The following FLI1 variants were observed in gnomAD, a reference collection of about 807,000 sequenced individuals.
FLI1 encodes the protein Fli-1 proto-oncogene, ETS transcription factor.
Under a neutral mutation model 53.1 loss-of-function variants are expected in FLI1, and 13 were observed. The observed-to-expected ratio is 0.24, with a 90% CI of 0.16 to 0.39. The LOEUF (loss-of-function observed/expected upper bound fraction) is 0.39, where lower values mean the gene tolerates loss of function less well. Ranked by LOEUF, FLI1 falls within the 10% of genes least tolerant of loss-of-function variation. The pLI is 1.00. For synonymous variants in FLI1, 244 were observed against 236.7 expected (o/e 1.03, Z -0.28); for missense variants, 424 against 600.5 (o/e 0.71, Z 3.07).
Position 128,738,369 on chromosome 11 carries a change from G to A in FLI1, c.19-19746G>A, listed in dbSNP as rs527678162. Reference sequence around the variant, plus strand: ...TGCCTTGAAATACAAGACAACCAAGGCCTCACCTTTCTCTCATTACTCAAA... The same window carrying A: ...TGCCTTGAAATACAAGACAACCAAGACCTCACCTTTCTCTCATTACTCAAA... On this transcript the variant is annotated intron_variant, in intron 1 of 8. Transcript: ENST00000527786. Among the ~76,000 whole-genome samples the A allele has an allele frequency of 6.6e-5, 10 of 152,226 alleles. No homozygotes were observed. The South Asian group carries it at 1.4e-3, about 22-fold the overall frequency.
chr11:128,791,222 G>A (rs920097456), intron 5 of FLI1, among the ~76,000 whole-genome samples: 2 of 152,102 alleles, frequency 1.3e-5, no homozygotes, highest in Non-Finnish European at 2.9e-5. Context: ...GCCCATTTAG[G>A]TTCTGACCCA....
At chr11:128,800,291 T>C (rs1280657087) in intron 5 of FLI1, among the ~76,000 whole-genome samples, 2 of 152,140 alleles carry the variant, frequency 1.3e-5, no homozygotes, top group African/African-American at 4.8e-5. Context: ...CAACCAGAAA[T>C]TCAATGAGAA....
chr11:128,750,100 A>C (rs1940578326), intron 1 of FLI1, among the ~76,000 whole-genome samples: 1 of 152,252 alleles, frequency 6.6e-6, no homozygotes, highest in Non-Finnish European at 1.5e-5. Flanking sequence ...ATAAAAAGCC[A>C]AAACTAGCGT....
intron 1 of FLI1, among the ~76,000 whole-genome samples, chr11:128,749,641 G>T (rs1046219505): frequency 4.6e-5 from 7 of 152,228 alleles, no homozygotes; most frequent in African/African-American, 1.7e-4. Context: ...CTTTTGATGG[G>T]AAGAGAGAGG....
intron 1 of FLI1, among the ~76,000 whole-genome samples, chr11:128,747,336 G>A (rs654484): frequency 0.37 from 55,912 of 152,080 alleles, 10,513 homozygotes; most frequent in South Asian, 0.43. Flanking sequence ...GACATCTGGC[G>A]GAATAGAGTC....
intron 5 of FLI1, among the ~76,000 whole-genome samples, chr11:128,803,316 C>A (rs1009134400): frequency 1.3e-5 from 2 of 152,188 alleles, no homozygotes; most frequent in African/African-American, 4.8e-5. Context: ...CCACCTGCAA[C>A]GCCAAGGTCC....
At chr11:128,760,953 C>T (rs918500106) in intron 2 of FLI1, among the ~76,000 whole-genome samples, 24 of 152,318 alleles carry the variant, frequency 1.6e-4, no homozygotes, top group African/African-American at 5.3e-4. Context: ...TCCCCACTTC[C>T]TCCTGCCTTC....
At chr11:128,740,201 A>G (rs1280026440) in intron 1 of FLI1, among the ~76,000 whole-genome samples, 2 of 152,266 alleles carry the variant, frequency 1.3e-5, no homozygotes, top group African/African-American at 2.4e-5. Context: ...AAGTACATGG[A>G]CAGAGAGAGA....
At chr11:128,744,976 C>G (rs1364536256) in intron 1 of FLI1, among the ~76,000 whole-genome samples, 2 of 152,072 alleles carry the variant, frequency 1.3e-5, no homozygotes, top group African/African-American at 4.8e-5. Context: ...GGGAGACTTC[C>G]TGGAGGAGGC....
chr11:128,747,369 G>A (rs1382112307), intron 1 of FLI1, among the ~76,000 whole-genome samples: 11 of 152,236 alleles, frequency 7.2e-5, no homozygotes, highest in Admixed American at 6.5e-4. Context: ...ATGTGGGACA[G>A]CACTTGTGCT....
chr11:128,776,520 G>A (rs572155675), intron 4 of FLI1, among the ~76,000 whole-genome samples: 5 of 152,234 alleles, frequency 3.3e-5, no homozygotes, highest in African/African-American at 9.6e-5. Flanking sequence ...GTGTGGTGGT[G>A]GGCGCCTGTA....
At chr11:128,757,059 T>TCTTTCTTTCTTC (rs1279412863) in intron 1 of FLI1, among the ~76,000 whole-genome samples, 3 of 135,298 alleles carry the variant, frequency 2.2e-5, no homozygotes, top group Admixed American at 7.3e-5. Flanking sequence ...TTTCTTTCTT[T>TCTTTCTTTCTTC]CTTTCTTTCT....
chr11:128,806,961 G>A (rs751869387), intron 6 of FLI1: 8 of 392,750 alleles, frequency 2.0e-5, no homozygotes, highest in Middle Eastern at 6.3e-4. Context: ...ATTGGAATGC[G>A]AGTTCTACCA....
At chr11:128,741,214 C>A (rs538167547) in intron 1 of FLI1, among the ~76,000 whole-genome samples, 2 of 152,010 alleles carry the variant, frequency 1.3e-5, no homozygotes, top group Non-Finnish European at 2.9e-5. Flanking sequence ...GCAAACATAA[C>A]GAAACCCTGT....
intron 1 of FLI1, among the ~76,000 whole-genome samples, chr11:128,745,508 A>G (rs1940342061): frequency 6.6e-6 from 1 of 152,208 alleles, no homozygotes; most frequent in Non-Finnish European, 1.5e-5. Flanking sequence ...GCTAGTTGGA[A>G]ATACTGCACC....
At chr11:128,750,109 G>A (rs12282363) in intron 1 of FLI1, among the ~76,000 whole-genome samples, 3,998 of 152,300 alleles carry the variant, frequency 0.026, 190 homozygotes, top group African/African-American at 0.092. Flanking sequence ...CAAAACTAGC[G>A]TGCTCCCTGT....
chr11:128,783,691 G>T (rs934796115), intron 5 of FLI1, among the ~76,000 whole-genome samples: 2 of 152,150 alleles, frequency 1.3e-5, no homozygotes, highest in African/African-American at 4.8e-5. Context: ...ACCACTTCAG[G>T]CCCTGAACCT....
chr11:128,727,491 G>A (rs1308184632), intron 1 of FLI1, among the ~76,000 whole-genome samples: 1 of 152,204 alleles, frequency 6.6e-6, no homozygotes, highest in African/African-American at 2.4e-5. Flanking sequence ...GTGAGATGCA[G>A]GCAGCCAGGA....
At chr11:128,739,693 A>T (rs1429287778) in intron 1 of FLI1, among the ~76,000 whole-genome samples, 1 of 152,068 alleles carries the variant, frequency 6.6e-6, no homozygotes, top group Non-Finnish European at 1.5e-5. Context: ...TGCTTGCCAC[A>T]CAGGTTATTC....
Sources: allele counts gnomAD v4.1 joint callset (sites outside exome capture counted in the v4.1 genomes callset), GRCh38; gene constraint gnomAD v4.1.1; transcripts MANE v1.5; gene names NCBI Gene and HGNC (gene_info 2026-07-23, HGNC 2026-07-21).